PTPRS: variants seen among roughly 807,000 people sequenced by gnomAD.
PTPRS encodes protein tyrosine phosphatase receptor type S.
Under a neutral mutation model 215.3 loss-of-function variants are expected in PTPRS, and 63 were observed. The observed-to-expected ratio is 0.29, with a 90% CI of 0.24 to 0.36. The LOEUF is 0.36. Ranked by LOEUF, PTPRS falls within the 10% of genes least tolerant of loss-of-function variation. The pLI is 1.00. For missense variants in PTPRS, 2,258 were observed against 2,825.8 expected (o/e 0.80, Z 4.56); for synonymous variants, 1,404 against 1,191.4 (o/e 1.18, Z -3.68).
rs144465422 is a variant in PTPRS, at chr19:5,208,323, C to T, written c.5556G>A (p.Ser1852=). ...TDWPEQGVPK[S]GEGFIDFIGQ... is the part of the protein sequence containing the mutation. ...CAATGAAGTCGATGAAGCCCTCCCC[C>T]GACTTTGGCACACCCTGTTCCGGCC... Residue 1852 remains serine (S), a synonymous_variant, in exon 36 of 38, where the codon TCG becomes TCA. Transcript: ENST00000262963. The T allele has an allele frequency of 2.9e-5, 47 of 1,613,912 alleles. No individual in the cohort carries two copies. The highest frequency in any genetic ancestry group is 1.6e-4 in the Middle Eastern group (1 of 6,084).
At position 5,297,877 on chromosome 19, in the gene PTPRS, C is replaced by T. The variant is rs537201546; in HGVS notation, c.-94-11643G>A. Among the ~76,000 whole-genome samples, 4 of 150,702 alleles carry T rather than the reference C, an allele frequency of 2.7e-5. No homozygotes were observed. In the South Asian group the frequency reaches 8.4e-4, roughly 32 times the overall value. ...GCACGATCTCGGCTCACTGCAACCT[C>T]TGCCTCCCGGGTTCACACAATTCTC... On this transcript the variant is annotated intron_variant, in intron 1 of 37. Coordinates refer to ENST00000262963, the MANE Select transcript of PTPRS (RefSeq NM_002850.4).
At chr19:5,318,694 C>T (rs548824923) in intron 1 of PTPRS, among the ~76,000 whole-genome samples, 1 of 152,224 alleles carries the variant, frequency 6.6e-6, no homozygotes, top group South Asian at 2.1e-4. Flanking sequence ...GCTCTGTCAC[C>T]CAGACTGGAG....
In PTPRS at chr19:5,274,181, C is replaced by G. The variant is rs756981192; in HGVS notation, c.237+18G>C. 1.3e-6 allele frequency: 2 copies of G among 1,599,592 alleles called. No individual in the cohort carries two copies. Among genetic ancestry groups the G allele is most frequent in the Admixed American group, 1.7e-5 (1 of 59,556 alleles). On this transcript the variant is annotated intron_variant, in intron 3 of 37. Transcript: ENST00000262963. ...GGGGAGCATTGACCCCAGGCTGCCT[C>G]CCCCTACCCCAACTCACCTCAAAGC...
At chr19:5,271,258 A>G (rs974206961) in intron 4 of PTPRS, among the ~76,000 whole-genome samples, 5 of 152,254 alleles carry the variant, frequency 3.3e-5, no homozygotes, top group Non-Finnish European at 7.3e-5. Context: ...CTAAACCAGA[A>G]TCCTAACAGT....
At chr19:5,315,836 G>A (rs1369525453) in intron 1 of PTPRS, among the ~76,000 whole-genome samples, 8 of 150,474 alleles carry the variant, frequency 5.3e-5, no homozygotes, top group African/African-American at 2.0e-4. Context: ...TTGCTATGCT[G>A]CCCTGCCTGA....
At chr19:5,260,872 G>C (rs1436849573) in intron 6 of PTPRS, 50 bp from the exon 7 acceptor site, 1 of 1,602,358 alleles carries the variant, frequency 6.2e-7, no homozygotes, top group Non-Finnish European at 8.5e-7. Context: ...GCGGTTGTTG[G>C]GGGGCCGGGG....
chr19:5,306,439 C>G (rs2049496898), intron 1 of PTPRS, among the ~76,000 whole-genome samples: 1 of 152,094 alleles, frequency 6.6e-6, no homozygotes, highest in Non-Finnish European at 1.5e-5. Context: ...ACTACCACAC[C>G]TGGCCCAGGG....
chr19:5,258,940 G>A (rs1416135607), intron 7 of PTPRS, among the ~76,000 whole-genome samples: 3 of 152,152 alleles, frequency 2.0e-5, no homozygotes, highest in African/African-American at 7.2e-5. Flanking sequence ...TCAACATCCT[G>A]GTGCTCACGA....
At chr19:5,262,215 T>C (rs1263181723) in intron 6 of PTPRS, among the ~76,000 whole-genome samples, 4 of 152,030 alleles carry the variant, frequency 2.6e-5, no homozygotes, top group African/African-American at 7.2e-5. Flanking sequence ...GTGGAGGCTT[T>C]AGTGAGCCGA....
intron 2 of PTPRS, among the ~76,000 whole-genome samples, chr19:5,285,799 G>A (rs979968042): frequency 6.6e-6 from 1 of 152,228 alleles, no homozygotes; most frequent in Non-Finnish European, 1.5e-5. Flanking sequence ...TGATGCTGGG[G>A]AAACAGACGC....
Position 5,286,182 on chromosome 19 carries a change from C to A in PTPRS, c.-42G>T, listed in dbSNP as rs760284910. ...CGATCTCCGCCCTGGAGGGGGATGG[C>A]CCCCCGGTCCCTCACAGAGAGGCCT... On this transcript the variant is annotated 5_prime_UTR_variant, in exon 2 of 38. Coordinates refer to ENST00000262963, the MANE Select transcript of PTPRS (RefSeq NM_002850.4). 1 of 1,600,022 alleles carries A rather than the reference C, an allele frequency of 6.2e-7. No individual in the cohort carries two copies. The highest frequency in any genetic ancestry group is 1.7e-5 in the Admixed American group (1 of 58,140).
chr19:5,326,049 G>A (rs1253962687), intron 1 of PTPRS, among the ~76,000 whole-genome samples: 1 of 152,126 alleles, frequency 6.6e-6, no homozygotes, highest in African/African-American at 2.4e-5. Flanking sequence ...TGGCCAACAT[G>A]GTGAAACGCT....
At chr19:5,277,581 A>G (rs1177746028) in intron 2 of PTPRS, among the ~76,000 whole-genome samples, 2 of 151,486 alleles carry the variant, frequency 1.3e-5, no homozygotes, top group Non-Finnish European at 2.9e-5. Flanking sequence ...GAGTGAACCC[A>G]GGAGGCGAAG....
chr19:5,287,186 C>T lies in PTPRS; in HGVS notation c.-94-952G>A, dbSNP rs1283625511. 6.6e-6 allele frequency among the ~76,000 whole-genome samples: 1 copy of T among 152,132 alleles called. No individual in the cohort carries two copies. Among genetic ancestry groups the T allele is most frequent in the African/African-American group, 2.4e-5 (1 of 41,422 alleles). ...GCCTTTGCTTCTGCTGTGCCCTCTG[C>T]CTGGAATGCTGTCCCCACCACATGA... On this transcript the variant is annotated intron_variant, in intron 1 of 37. Coordinates refer to ENST00000262963, the MANE Select transcript of PTPRS (RefSeq NM_002850.4). The surrounding 1 kb of genome is among the most constrained non-coding windows in gnomAD (Gnocchi z 4.8).
rs535877743 is a variant in PTPRS, at chr19:5,230,826, G to A, written c.2155+484C>T. ...TCTCCATGATCTAGGCTTCGACCAC[G>A]TGACTCCAAGCTAGGACCACTGCCT... On this transcript the variant is annotated intron_variant, in intron 14 of 37. Transcript: ENST00000262963. Among the ~76,000 whole-genome samples the A allele has an allele frequency of 3.0e-4, 45 of 152,260 alleles. No homozygotes were observed. In the South Asian group the frequency reaches 8.5e-3, roughly 29 times the overall value.
chr19:5,325,802 T>C (rs2050152361), intron 1 of PTPRS, among the ~76,000 whole-genome samples: 1 of 152,240 alleles, frequency 6.6e-6, no homozygotes, highest in Non-Finnish European at 1.5e-5. Flanking sequence ...GGCTCATTAA[T>C]TGAATTCAGG....
rs180711193 is a variant in PTPRS at position 5,263,782 on chromosome 19, C to T, written c.569-810G>A. 2.6e-5 allele frequency among the ~76,000 whole-genome samples: 4 copies of T among 152,346 alleles called. No homozygotes were observed. The East Asian group carries it at 5.8e-4, about 22-fold the overall frequency. ...GATCACTGCCCTGTGTGCACAGGCACGGGAGTGACTGCAATGTGGGTGCAC... is the reference window on the plus strand; with the variant it reads ...GATCACTGCCCTGTGTGCACAGGCATGGGAGTGACTGCAATGTGGGTGCAC... On this transcript the variant is annotated intron_variant, in intron 5 of 37. Coordinates refer to ENST00000262963, the MANE Select transcript of PTPRS (RefSeq NM_002850.4).
chr19:5,268,013 AAAG>A (rs1185933163), intron 4 of PTPRS, among the ~76,000 whole-genome samples: 3 of 151,994 alleles, frequency 2.0e-5, no homozygotes, highest in Non-Finnish European at 4.4e-5. Context: ...ACTAAACTAC[AAAG>A]AAGATTAGCC....
rs1418797165 is a variant in PTPRS, at chr19:5,286,203, G to C, written c.-63C>G. 4 of 1,577,796 alleles carry C rather than the reference G, an allele frequency of 2.5e-6. No homozygotes were observed. Among genetic ancestry groups the C allele is most frequent in the Admixed American group, 1.8e-5 (1 of 55,656 alleles). On this transcript the variant is annotated 5_prime_UTR_variant, in exon 2 of 38. Transcript: ENST00000262963. ...ATGGCCCCCCGGTCCCTCACAGAGAGGCCTCGAGCCGAGCGTCAGATGGGG... is the reference window on the plus strand; with the variant it reads ...ATGGCCCCCCGGTCCCTCACAGAGACGCCTCGAGCCGAGCGTCAGATGGGG...
Sources: allele counts gnomAD v4.1 joint callset (sites outside exome capture counted in the v4.1 genomes callset), GRCh38; gene constraint gnomAD v4.1.1; non-coding constraint Gnocchi (gnomAD v3.1); transcripts MANE v1.5; gene names NCBI Gene and HGNC (gene_info 2026-07-23, HGNC 2026-07-21).